MYZAP: variants seen among roughly 807,000 people sequenced by gnomAD.
The protein encoded by MYZAP is GRINL1A complex locus upstream.
A neutral mutation model predicts 69.4 loss-of-function variants in MYZAP; 66 were observed. The ratio of observed to expected loss-of-function variants is 0.95; its 90% CI spans 0.78 to 1.17. MYZAP has a LOEUF of 1.17. Among genes scored for constraint, MYZAP ranks in the 50% most tolerant of loss-of-function variants. The probability of loss-of-function intolerance (pLI) is 0.00; values close to 1 mark genes in which losing one functional copy is unlikely to be tolerated. For synonymous variants in MYZAP, 256 were observed against 205.9 expected, an observed-to-expected ratio of 1.24 and a Z score of -2.09; for missense variants, 611 against 556.2, an observed-to-expected ratio of 1.10 and a Z score of -0.99.
At chr15:57,621,752 G>C (rs1191468711) in intron 4 of MYZAP, 52 bp downstream of exon 4, 1 of 1,586,396 alleles carries the variant, frequency 6.3e-7, no homozygotes, top group Non-Finnish European at 8.6e-7. Context: ...CAGGCTCAGA[G>C]TGGTCCCTCA....
At chr15:57,661,407 T>C (rs776413569) in intron 10 of MYZAP, 43 bp from the exon 11 acceptor site, 5 of 1,433,522 alleles carry the variant, frequency 3.5e-6, no homozygotes, top group African/African-American at 2.8e-5. Flanking sequence ...ACTTACACAA[T>C]TGTACATTTT....
In MYZAP at chr15:57,591,922, G is replaced by A. The variant is rs1284021364; in HGVS notation, c.-113G>A. ...CCCGGGCCTTCGCGGTGCAGCTGAGGCTGCAAGTAGCCGGCGCCGTCCCGC... is the reference window on the plus strand; with the variant it reads ...CCCGGGCCTTCGCGGTGCAGCTGAGACTGCAAGTAGCCGGCGCCGTCCCGC... On this transcript the variant is annotated 5_prime_UTR_variant, in exon 1 of 13. Transcript: ENST00000267853. The A allele has an allele frequency of 3.8e-6, 4 of 1,055,312 alleles. No individual in the cohort carries two copies. Among genetic ancestry groups the A allele is most frequent in the Non-Finnish European group, 4.8e-6 (4 of 836,266 alleles). The allele number at this position is 1,055,312 out of a possible 1,614,324, so 65.4% of individuals were successfully genotyped here.
At chr15:57,680,128 C>G (rs1239303909) in intron 12 of MYZAP, among the ~76,000 whole-genome samples, 3 of 152,132 alleles carry the variant, frequency 2.0e-5, no homozygotes, top group African/African-American at 7.2e-5. Flanking sequence ...AGTGGAAGTG[C>G]CCCGCCTTTT....
At chr15:57,656,105 G>A (rs1173662590) in intron 10 of MYZAP, among the ~76,000 whole-genome samples, 1 of 152,190 alleles carries the variant, frequency 6.6e-6, no homozygotes, top group Non-Finnish European at 1.5e-5. Flanking sequence ...GGTGCCTAAT[G>A]GATTTCTTGC....
At chr15:57,671,915 C>T (rs2098890) in intron 11 of MYZAP, among the ~76,000 whole-genome samples, 136,364 of 152,094 alleles carry the variant, frequency 0.9, 62,329 homozygotes, top group Non-Finnish European at 0.98. Flanking sequence ...ACTATTTTCC[C>T]GACTCTTTAT....
chr15:57,623,837 G>T (rs2035967706), intron 4 of MYZAP, among the ~76,000 whole-genome samples: 1 of 150,646 alleles, frequency 6.6e-6, no homozygotes, highest in Non-Finnish European at 1.5e-5. Flanking sequence ...GTAATCCCTT[G>T]AAGGGGAGAT....
chr15:57,592,415 T>A (rs2033734628), intron 1 of MYZAP, among the ~76,000 whole-genome samples: 1 of 152,196 alleles, frequency 6.6e-6, no homozygotes, highest in Admixed American at 6.5e-5. Flanking sequence ...AGGAAGACAT[T>A]TGTGCAGTGT....
In MYZAP at chr15:57,633,625, A is replaced by G. The variant is rs1374418659; in HGVS notation, c.817A>G (p.Ser273Gly). Residue 273 changes from serine to glycine, a missense_variant, in exon 8 of 13, where the codon AGT (serine) becomes GGT (glycine). Physicochemically the swap from Ser to Gly is moderately conservative, Grantham distance 56. Coordinates refer to ENST00000267853, the MANE Select transcript of MYZAP (RefSeq NM_001018100.5). The stretch of plus-strand genomic sequence containing the variant: ...ATTTCTTTTGCAGGAAGAAACCAAT[A>G]GTTTTCTGAAAGCGATTGAAGAAGC... ...EKEALLEETNSFLKAIEEANK... is the reference protein window; with the variant it reads ...EKEALLEETNGFLKAIEEANK... The G allele has an allele frequency of 8.7e-6, 14 of 1,613,124 alleles. No homozygotes were observed. Among genetic ancestry groups the G allele is most frequent in the Non-Finnish European group, 1.1e-5 (13 of 1,179,574 alleles).
In MYZAP at chr15:57,646,828, G is replaced by A. The variant is rs150289455; in HGVS notation, c.1119+7283G>A. 1.9e-3 allele frequency: 1,851 copies of A among 985,430 alleles called. 4 individuals are homozygous for A. Among genetic ancestry groups the A allele is most frequent in the Non-Finnish European group, 2.1e-3 (1,752 of 829,918 alleles). The allele number at this position is 985,430 out of a possible 1,614,324, so 61.0% of individuals were successfully genotyped here. On this transcript the variant is annotated intron_variant, in intron 10 of 12. Coordinates refer to ENST00000267853, the MANE Select transcript of MYZAP (RefSeq NM_001018100.5). ...CCTGAATTGGTTCAACCAACTTCAC[G>A]AAAAGGAGTGTATCTGATAAAGAGA...
At position 57,618,657 on chromosome 15, in the gene MYZAP, T is replaced by A. The variant is rs188577843; in HGVS notation, c.318+469T>A. On this transcript the variant is annotated intron_variant, in intron 3 of 12. Coordinates refer to ENST00000267853, the MANE Select transcript of MYZAP (RefSeq NM_001018100.5). ...CTTGTATTTAGTAGTTTATTTCCTA[T>A]CTTTTAAGTTACATGTTCTTTTGAG... Among the ~76,000 whole-genome samples the A allele has an allele frequency of 5.8e-3, 884 of 152,334 alleles. 14 individuals are homozygous for A. The highest frequency in any genetic ancestry group is 0.02 in the African/African-American group (837 of 41,582).
chr15:57,608,771 G>T (rs143401756), intron 2 of MYZAP, among the ~76,000 whole-genome samples: 1 of 152,274 alleles, frequency 6.6e-6, no homozygotes, highest in Non-Finnish European at 1.5e-5. Flanking sequence ...TACCCCCTTA[G>T]ACCTTCTGGA....
intron 4 of MYZAP, 143 bp downstream of exon 4, chr15:57,621,843 A>AAAATTT: frequency 2.8e-6 from 2 of 724,586 alleles, no homozygotes; most frequent in Non-Finnish European, 4.0e-6. Context: ...AGAAAATTTT[A>AAAATTT]TCACAGAATG....
chr15:57,595,826 C>G (rs1236555594), intron 1 of MYZAP, among the ~76,000 whole-genome samples: 2 of 152,166 alleles, frequency 1.3e-5, no homozygotes, highest in Non-Finnish European at 2.9e-5. Context: ...GCTGATATTT[C>G]TTTCTATTTG....
At position 57,632,538 on chromosome 15, in the gene MYZAP, T is replaced by C. The variant is rs765916320; in HGVS notation, c.783T>C (p.Ser261=). ...TGCAGGAAGAACAGAGGAAGCACAG[T>C]GCTGAGAAGGAGGCTCTTTTGGTGT... is the stretch of plus-strand genomic sequence containing the variant. ...EKLQEEQRKH[S]AEKEALLEET... Residue 261 remains serine, a synonymous_variant, in exon 7 of 13, where the codon AGT becomes AGC. Coordinates refer to ENST00000267853, the MANE Select transcript of MYZAP (RefSeq NM_001018100.5). 8 of 1,614,060 alleles carry C rather than the reference T, an allele frequency of 5.0e-6. No homozygotes were observed. The East Asian group carries it at 1.8e-4, about 36-fold the overall frequency.
At chr15:57,658,757 T>G (rs1332574821) in intron 10 of MYZAP, among the ~76,000 whole-genome samples, 1 of 152,084 alleles carries the variant, frequency 6.6e-6, no homozygotes, top group Admixed American at 6.6e-5. Context: ...GATAATGGAG[T>G]CAAGTGGTGA....
chr15:57,630,187 C>G (rs573423026), intron 6 of MYZAP, among the ~76,000 whole-genome samples: 1 of 152,148 alleles, frequency 6.6e-6, no homozygotes, highest in Non-Finnish European at 1.5e-5. Flanking sequence ...AGGCTGGTCT[C>G]GAACTCCTGA....
At chr15:57,614,103 G>C (rs1345613214) in intron 2 of MYZAP, among the ~76,000 whole-genome samples, 1 of 152,118 alleles carries the variant, frequency 6.6e-6, no homozygotes, top group South Asian at 2.1e-4. Flanking sequence ...TGTTGTGACC[G>C]GGGTAAACAT....
intron 10 of MYZAP, among the ~76,000 whole-genome samples, chr15:57,645,156 C>T (rs1375564225): frequency 6.6e-6 from 1 of 152,104 alleles, no homozygotes; most frequent in East Asian, 1.9e-4. Context: ...AAATTCAAGG[C>T]AAAGCAGAAT....
At chr15:57,656,230 C>T (rs2038004652) in intron 10 of MYZAP, among the ~76,000 whole-genome samples, 1 of 152,140 alleles carries the variant, frequency 6.6e-6, no homozygotes, top group African/African-American at 2.4e-5. Context: ...GCATCTGATC[C>T]AGACAGTTTT....
Sources: allele counts gnomAD v4.1 joint callset (sites outside exome capture counted in the v4.1 genomes callset), GRCh38; gene constraint gnomAD v4.1.1; transcripts MANE v1.5; gene names NCBI Gene and HGNC (gene_info 2026-07-23, HGNC 2026-07-21).